Variants in ARHGAP10 observed in about 807,000 individuals in gnomAD.
ARHGAP10 encodes Rho GTPase activating protein 10.
Under a neutral mutation model 108.6 loss-of-function variants are expected in ARHGAP10, and 87 were observed. The observed-to-expected ratio is 0.80, with a 90% CI of 0.67 to 0.96. The LOEUF is 0.96. Ranked by LOEUF, ARHGAP10 falls within the 40% of genes least tolerant of loss-of-function variation. ARHGAP10 has a pLI of 0.00. For missense variants in ARHGAP10, 939 were observed against 954.5 expected, an observed-to-expected ratio of 0.98 and a Z score of 0.21; for synonymous variants, 347 against 341.1, an observed-to-expected ratio of 1.02 and a Z score of -0.19.
At chr4:148,049,754 C>T (rs1729040979) in intron 20 of ARHGAP10, among the ~76,000 whole-genome samples, 1 of 151,390 alleles carries the variant, frequency 6.6e-6, no homozygotes, top group Admixed American at 6.6e-5. Context: ...TTCTACCTAT[C>T]TAGCTAATCT....
chr4:147,921,788 G>C (rs995622056), intron 13 of ARHGAP10, among the ~76,000 whole-genome samples: 15 of 152,164 alleles, frequency 9.9e-5, no homozygotes, highest in African/African-American at 3.4e-4. Context: ...CCGTCTCTGT[G>C]TGACATCTGG....
chr4:147,840,820 C>CT, intron 3 of ARHGAP10, among the ~76,000 whole-genome samples: 1 of 152,292 alleles, frequency 6.6e-6, no homozygotes, highest in East Asian at 1.9e-4. Context: ...AACTGTGATT[C>CT]TTTTATCCAG....
chr4:147,801,874 G>A (rs1482737052), intron 1 of ARHGAP10, among the ~76,000 whole-genome samples: 1 of 152,192 alleles, frequency 6.6e-6, no homozygotes, highest in Non-Finnish European at 1.5e-5. Flanking sequence ...CTGTTAAGTT[G>A]TTTGTAATGT....
At chr4:147,870,969 TG>T in intron 7 of ARHGAP10, among the ~76,000 whole-genome samples, 1 of 135,482 alleles carries the variant, frequency 7.4e-6, no homozygotes. Flanking sequence ...TGTGTGTGTG[TG>T]TGTGTTTGAG....
chr4:147,869,980 G>A (rs1487052660), intron 7 of ARHGAP10, among the ~76,000 whole-genome samples: 2 of 143,400 alleles, frequency 1.4e-5, no homozygotes, highest in African/African-American at 2.7e-5. Flanking sequence ...ACAACATATT[G>A]TTGAAAAAAG....
chr4:147,750,880 C>T (rs1484270414), intron 1 of ARHGAP10, among the ~76,000 whole-genome samples: 4 of 151,966 alleles, frequency 2.6e-5, no homozygotes, highest in South Asian at 2.1e-4. Context: ...TGATTACAGG[C>T]GTGAGCCACT....
chr4:147,921,564 G>T (rs1387438786), intron 13 of ARHGAP10, among the ~76,000 whole-genome samples: 2 of 152,190 alleles, frequency 1.3e-5, no homozygotes, highest in African/African-American at 2.4e-5. Flanking sequence ...ATGACAGAGA[G>T]CATGTGGATG....
intron 18 of ARHGAP10, among the ~76,000 whole-genome samples, chr4:147,988,916 A>G (rs1220373344): frequency 2.0e-5 from 3 of 152,238 alleles, no homozygotes; most frequent in Non-Finnish European, 2.9e-5. Context: ...CATGGAAGGT[A>G]TGAGCCTATA....
intron 1 of ARHGAP10, among the ~76,000 whole-genome samples, chr4:147,759,888 A>G (rs1421026679): frequency 3.3e-5 from 5 of 152,098 alleles, no homozygotes; most frequent in Admixed American, 3.3e-4. Context: ...AGCGGGGATT[A>G]CAGGAGCCTG....
chr4:147,907,942 A>G (rs777691868), intron 11 of ARHGAP10, among the ~76,000 whole-genome samples: 1 of 152,148 alleles, frequency 6.6e-6, no homozygotes, highest in Non-Finnish European at 1.5e-5. Context: ...TCCTGGGTTT[A>G]AGTGATTCTC....
At chr4:147,962,765 G>A (rs1739047892) in intron 16 of ARHGAP10, among the ~76,000 whole-genome samples, 1 of 152,102 alleles carries the variant, frequency 6.6e-6, no homozygotes, top group Non-Finnish European at 1.5e-5. Flanking sequence ...CTGGGTTCAG[G>A]CACTTTTCCC....
intron 1 of ARHGAP10, among the ~76,000 whole-genome samples, chr4:147,792,567 G>A (rs1198026127): frequency 1.3e-5 from 2 of 152,010 alleles, no homozygotes; most frequent in African/African-American, 4.8e-5. Context: ...TCCTCACTCC[G>A]TCTCTCGGCC....
chr4:147,751,117 TG>T (rs2126692095), intron 1 of ARHGAP10, among the ~76,000 whole-genome samples: 1 of 151,720 alleles, frequency 6.6e-6, no homozygotes, highest in East Asian at 2.0e-4. Flanking sequence ...AGGCAGAGGT[TG>T]CAGTGAGCCC....
At chr4:147,784,844 A>G (rs1183844378) in intron 1 of ARHGAP10, among the ~76,000 whole-genome samples, 4 of 104,690 alleles carry the variant, frequency 3.8e-5, no homozygotes, top group African/African-American at 1.1e-4. Context: ...ATATTATAAA[A>G]TATATATTAT....
intron 5 of ARHGAP10, among the ~76,000 whole-genome samples, chr4:147,859,553 C>G (rs1734231910): frequency 6.6e-6 from 1 of 152,222 alleles, no homozygotes; most frequent in South Asian, 2.1e-4. Context: ...GGATTACAGG[C>G]ACGAGCCACA....
intron 22 of ARHGAP10, among the ~76,000 whole-genome samples, chr4:148,066,418 C>A (rs113115106): frequency 1.3e-5 from 2 of 152,350 alleles, no homozygotes; most frequent in African/African-American, 4.8e-5. Flanking sequence ...GGGTCAGTGC[C>A]TAAAGCCAAT....
chr4:148,006,591 A>G (rs1018445948), intron 18 of ARHGAP10, among the ~76,000 whole-genome samples: 1 of 152,252 alleles, frequency 6.6e-6, no homozygotes, highest in African/African-American at 2.4e-5. Flanking sequence ...GTTTCACTGA[A>G]AATGAATTTT....
At chr4:147,813,386 G>C (rs1237394462) in intron 1 of ARHGAP10, among the ~76,000 whole-genome samples, 1 of 152,156 alleles carries the variant, frequency 6.6e-6, no homozygotes, top group African/African-American at 2.4e-5. Flanking sequence ...GATTTGATTG[G>C]GATGGGACAC....
chr4:148,042,764 T>C (rs775106923), intron 19 of ARHGAP10, among the ~76,000 whole-genome samples: 69 of 152,348 alleles, frequency 4.5e-4, no homozygotes, highest in Middle Eastern at 6.8e-3. Flanking sequence ...ATCTGTGGTA[T>C]GCCTTTGTAC....
Sources: gnomAD v4.1 joint callset for allele counts (sites outside exome capture counted in the v4.1 genomes callset) on GRCh38, gnomAD v4.1.1 for gene constraint, MANE v1.5 for transcripts, NCBI Gene and HGNC (gene_info 2026-07-23, HGNC 2026-07-21) for gene names.